Variants in SHTN1 observed in about 807,000 individuals in gnomAD.
SHTN1 encodes shootin 1.
Under a neutral mutation model 83.1 loss-of-function variants are expected in SHTN1, and 42 were observed. The observed-to-expected ratio is 0.51, with a 90% CI of 0.39 to 0.65. SHTN1 has a LOEUF of 0.65. SHTN1 is among the 30% of genes least tolerant of loss of function. SHTN1 has a pLI of 0.00. For missense variants in SHTN1, 622 were observed against 737.8 expected (o/e 0.84, Z 1.82); for synonymous variants, 224 against 247.7 (o/e 0.90, Z 0.90).
At chr10:116,889,519 A>G (rs1589775264) in intron 16 of SHTN1, among the ~76,000 whole-genome samples, 1 of 152,278 alleles carries the variant, frequency 6.6e-6, no homozygotes, top group East Asian at 1.9e-4. Context: ...TCCCAGTGGA[A>G]GGTGGAAAGG....
intron 1 of SHTN1, among the ~76,000 whole-genome samples, chr10:117,107,310 G>A (rs1215592074): frequency 2.0e-5 from 3 of 152,242 alleles, no homozygotes; most frequent in East Asian, 3.9e-4. Flanking sequence ...CTAAAGAGCA[G>A]GATATCAACA....
chr10:116,987,698 C>T (rs954839942), intron 1 of SHTN1, among the ~76,000 whole-genome samples: 1 of 152,058 alleles, frequency 6.6e-6, no homozygotes, highest in Non-Finnish European at 1.5e-5. Context: ...GGGCGGATCA[C>T]AAGGTCAGGA....
intron 1 of SHTN1, among the ~76,000 whole-genome samples, chr10:116,982,458 C>T (rs1192687379): frequency 6.6e-6 from 1 of 152,136 alleles, no homozygotes; most frequent in African/African-American, 2.4e-5. Flanking sequence ...ACAGTGGACC[C>T]CTAACCCTAA....
chr10:116,916,902 A>C (rs1848403311), intron 12 of SHTN1, among the ~76,000 whole-genome samples: 1 of 152,242 alleles, frequency 6.6e-6, no homozygotes, highest in Non-Finnish European at 1.5e-5. Context: ...AAAACCTCTC[A>C]ACATCTAAAC....
chr10:117,072,451 G>A (rs1481584492), intron 1 of SHTN1, among the ~76,000 whole-genome samples: 1 of 152,084 alleles, frequency 6.6e-6, no homozygotes, highest in African/African-American at 2.4e-5. Flanking sequence ...TGAAAGAAGT[G>A]GACTGCTCCT....
At chr10:117,011,285 C>A (rs1852099204) in intron 2 of SHTN1, among the ~76,000 whole-genome samples, 2 of 152,234 alleles carry the variant, frequency 1.3e-5, no homozygotes, top group South Asian at 4.2e-4. Context: ...GCCTTTTCTA[C>A]CTTCATACCA....
intron 16 of SHTN1, among the ~76,000 whole-genome samples, chr10:116,893,917 TA>T (rs1212030912): frequency 6.6e-6 from 1 of 152,170 alleles, no homozygotes; most frequent in Non-Finnish European, 1.5e-5. Flanking sequence ...CAAAATAAAA[TA>T]AAATAGCTCA....
intron 2 of SHTN1, among the ~76,000 whole-genome samples, chr10:117,024,349 T>A (rs1164407369): frequency 4.0e-5 from 3 of 75,144 alleles, no homozygotes; most frequent in Non-Finnish European, 7.1e-5. Context: ...AAAACTTTTC[T>A]TTTTTTTTTT....
intron 1 of SHTN1, among the ~76,000 whole-genome samples, chr10:117,119,720 G>A (rs1853896695): frequency 6.6e-6 from 1 of 152,134 alleles, no homozygotes; most frequent in Non-Finnish European, 1.5e-5. Context: ...AGGGATATCT[G>A]CACTCCCATG....
chr10:117,119,498 C>T (rs920351928), intron 1 of SHTN1, among the ~76,000 whole-genome samples: 1 of 152,202 alleles, frequency 6.6e-6, no homozygotes, highest in Non-Finnish European at 1.5e-5. Flanking sequence ...AGTAAGATAT[C>T]TCACTCCAGT....
intron 1 of SHTN1, among the ~76,000 whole-genome samples, chr10:116,982,017 C>T (rs1851039076): frequency 6.6e-6 from 1 of 152,194 alleles, no homozygotes; most frequent in Admixed American, 6.5e-5. Flanking sequence ...AAGATTGCAC[C>T]ACTGTATTCC....
chr10:117,092,607 C>G (rs1853448349), intron 1 of SHTN1, among the ~76,000 whole-genome samples: 1 of 152,228 alleles, frequency 6.6e-6, no homozygotes, highest in Non-Finnish European at 1.5e-5. Context: ...GCATAAGGAT[C>G]TGCCAATCAT....
intron 2 of SHTN1, among the ~76,000 whole-genome samples, chr10:117,043,070 C>T (rs984649722): frequency 2.0e-5 from 3 of 151,886 alleles, no homozygotes; most frequent in Admixed American, 6.6e-5. Flanking sequence ...TTTTTTCAAA[C>T]TTATTTTACA....
chr10:116,960,093 A>C, intron 4 of SHTN1, 43 bp downstream of exon 4: 1 of 1,218,200 alleles, frequency 8.2e-7, no homozygotes, highest in South Asian at 1.2e-5. Flanking sequence ...AAGCAAGTTG[A>C]AATTTAAAAG....
At chr10:116,915,119 G>A (rs1848339670) in intron 13 of SHTN1, among the ~76,000 whole-genome samples, 1 of 152,168 alleles carries the variant, frequency 6.6e-6, no homozygotes, top group Non-Finnish European at 1.5e-5. Flanking sequence ...TTTGTTTGGT[G>A]TAACAGTTCG....
chr10:117,017,105 A>G (rs532638377), intron 2 of SHTN1, among the ~76,000 whole-genome samples: 1 of 152,286 alleles, frequency 6.6e-6, no homozygotes, highest in South Asian at 2.1e-4. Context: ...CCAGAAAAAG[A>G]AAAGAAGAAA....
intron 1 of SHTN1, among the ~76,000 whole-genome samples, chr10:117,053,029 A>AAAAAAAAAAAAAAAAAAAAAAAGAAAAC (rs1852772444): frequency 1.4e-5 from 2 of 145,318 alleles, no homozygotes; most frequent in Admixed American, 1.4e-4. Context: ...CAAAAAAAAA[A>AAAAAAAAAAAAAAAAAAAAAAAGAAAAC]AGAATTAAGA....
At chr10:116,927,685 G>A (rs547651063) in intron 11 of SHTN1, 107 bp downstream of exon 11, 37 of 1,374,654 alleles carry the variant, frequency 2.7e-5, no homozygotes, top group African/African-American at 4.5e-5. Context: ...AAATTTCCAA[G>A]AGAAGCATCA....
chr10:117,048,390 T>G (rs2133586211), intron 2 of SHTN1: 1 of 652,576 alleles, frequency 1.5e-6, no homozygotes, highest in Non-Finnish European at 1.9e-6. Context: ...TAGGAAAGAT[T>G]CATTTTACAA....
Sources: allele counts gnomAD v4.1 joint callset (sites outside exome capture counted in the v4.1 genomes callset), GRCh38; gene constraint gnomAD v4.1.1; transcripts MANE v1.5; gene names NCBI Gene and HGNC (gene_info 2026-07-23, HGNC 2026-07-21).